Variants in MUC13 observed in about 807,000 individuals in gnomAD.
MUC13 encodes mucin-13.
A neutral mutation model predicts 48.3 loss-of-function variants in MUC13; 32 were observed. The observed-to-expected ratio is 0.66, with a 90% CI of 0.50 to 0.89. The LOEUF is 0.89. Ranked by LOEUF, MUC13 falls within the 40% of genes least tolerant of loss-of-function variation. The pLI, the probability that MUC13 is intolerant of heterozygous loss-of-function variation, is 0.00. For missense variants in MUC13, 571 were observed against 622.8 expected (o/e 0.92, Z 0.88); for synonymous variants, 199 against 224.9 (o/e 0.88, Z 1.03).
chr3:124,909,209 T>C (rs1935375149), intron 10 of MUC13, among the ~76,000 whole-genome samples: 2 of 152,014 alleles, frequency 1.3e-5, no homozygotes, highest in African/African-American at 4.8e-5. Flanking sequence ...AAAATCTGTT[T>C]ATCCTGTCAC....
At chr3:124,915,977 C>T (rs537595112) in intron 6 of MUC13, among the ~76,000 whole-genome samples, 14 of 152,304 alleles carry the variant, frequency 9.2e-5, no homozygotes, top group African/African-American at 3.1e-4. Context: ...CACACCCAGC[C>T]ACAGGTAAAA....
intron 8 of MUC13, among the ~76,000 whole-genome samples, chr3:124,912,390 C>A (rs1935436058): frequency 6.6e-6 from 1 of 152,276 alleles, no homozygotes; most frequent in African/African-American, 2.4e-5. Flanking sequence ...CTGAACACTC[C>A]ATCCTCCGGG....
chr3:124,931,770 C>T (rs890017103), intron 1 of MUC13, among the ~76,000 whole-genome samples: 28 of 147,998 alleles, frequency 1.9e-4, no homozygotes, highest in Admixed American at 1.4e-3. Context: ...TAAGGCCAGG[C>T]GCGGTGGCTC....
intron 6 of MUC13, among the ~76,000 whole-genome samples, chr3:124,914,334 TAG>T (rs1283342149): frequency 6.6e-6 from 1 of 151,102 alleles, no homozygotes; most frequent in Non-Finnish European, 1.5e-5. Flanking sequence ...TGCTTGAACC[TAG>T]GAGGCGGAGG....
chr3:124,910,384 A>G (rs1935398984), intron 10 of MUC13, 31 bp downstream of exon 10: 1 of 1,599,776 alleles, frequency 6.3e-7, no homozygotes, highest in African/African-American at 1.4e-5. Context: ...ATAAAAAAAA[A>G]AAATTTAAAA....
Position 124,913,547 on chromosome 3 carries a change from A to G in MUC13, c.1084+15T>C. On this transcript the variant is annotated intron_variant, in intron 7 of 11. Transcript: ENST00000616727. ...GATGTTATGAAGAACATTTAGAAGC[A>G]GGTGAAACACTTACCAACGCAGAAA... 1 of 1,613,860 alleles carries G rather than the reference A, an allele frequency of 6.2e-7. No individual in the cohort carries two copies. The highest frequency in any genetic ancestry group is 8.5e-7 in the Non-Finnish European group (1 of 1,179,914).
At chr3:124,909,707 A>G (rs1935384926) in intron 10 of MUC13, among the ~76,000 whole-genome samples, 2 of 152,228 alleles carry the variant, frequency 1.3e-5, no homozygotes, top group South Asian at 2.1e-4. Flanking sequence ...AAAAAAAACA[A>G]CAACCCAGGG....
At chr3:124,909,069 G>A (rs771941474) in intron 10 of MUC13, among the ~76,000 whole-genome samples, 1 of 151,942 alleles carries the variant, frequency 6.6e-6, no homozygotes, top group Non-Finnish European at 1.5e-5. Flanking sequence ...CGGGAGAATC[G>A]CTTGAACCTG....
At chr3:124,928,420 C>T (rs1262184566) in intron 1 of MUC13, among the ~76,000 whole-genome samples, 2 of 151,934 alleles carry the variant, frequency 1.3e-5, no homozygotes, top group African/African-American at 4.8e-5. Flanking sequence ...GCTCTGCCAC[C>T]CAGGCTGGAG....
intron 1 of MUC13, among the ~76,000 whole-genome samples, chr3:124,933,078 G>C (rs111552188): frequency 0.036 from 5,401 of 152,118 alleles, 144 homozygotes; most frequent in South Asian, 0.063. Flanking sequence ...TGCCCCCAAG[G>C]TTGGCAGGAG....
chr3:124,928,095 T>C, intron 1 of MUC13, 102 bp from the exon 2 acceptor site: 2 of 1,026,484 alleles, frequency 1.9e-6, no homozygotes, highest in South Asian at 1.8e-5. Flanking sequence ...TTTTTTTTTT[T>C]TTTAGAGGTA....
chr3:124,920,303 C>T lies in MUC13; in HGVS notation c.745-14G>A. The T allele has an allele frequency of 1.3e-6, 2 of 1,587,404 alleles. No homozygotes were observed. Among genetic ancestry groups the T allele is most frequent in the Non-Finnish European group, 1.7e-6 (2 of 1,167,220 alleles). ...TACATCTTTAAACTGTGGAGGAAAA[C>T]AGATTTAATAACAAGTAAAAAAAAT... On this transcript the variant is annotated splice_polypyrimidine_tract_variant and intron_variant, in intron 4 of 11. Coordinates refer to ENST00000616727, the MANE Select transcript of MUC13 (RefSeq NM_033049.4).
In MUC13 at chr3:124,910,490, A is replaced by G; in HGVS notation, c.1262T>C (p.Leu421Pro). 9.3e-6 allele frequency: 15 copies of G among 1,614,122 alleles called. No individual in the cohort carries two copies. Among genetic ancestry groups the G allele is most frequent in the Non-Finnish European group, 1.3e-5 (15 of 1,179,972 alleles). ...GATGGTGCCCACAATAGTGAGGATC[A>G]GCTGAAATTCTGAAAGGAAGAAGAA... ...SGLDCKDKFQ[L>P]ILTIVGTIAG... is the part of the protein sequence containing the mutation. The change falls in exon 10 of 12, where the codon CTG becomes CCG. Residue 421 changes from leucine (L) to proline (P), a missense_variant. Transcript: ENST00000616727.
chr3:124,916,273 G>T lies in MUC13; in HGVS notation c.964+44C>A, dbSNP rs776382017. ...ATGAAAAGGTTTACAAAAAAGGTAG[G>T]TAGGTCTTCAGGTGAACTTTGAATA... is the stretch of plus-strand genomic sequence containing the variant. On this transcript the variant is annotated intron_variant, in intron 6 of 11. Coordinates refer to ENST00000616727, the MANE Select transcript of MUC13 (RefSeq NM_033049.4). The T allele has an allele frequency of 5.4e-6, 8 of 1,478,342 alleles. No homozygotes were observed. The South Asian group carries it at 8.4e-5, about 16-fold the overall frequency. The allele number at this position is 1,478,342 out of a possible 1,614,324, so 91.6% of individuals were successfully genotyped here.
At chr3:124,913,379 GC>G in intron 7 of MUC13, 139 bp from the exon 8 acceptor site, 2 of 1,436,108 alleles carry the variant, frequency 1.4e-6, no homozygotes, top group Non-Finnish European at 1.9e-6. Context: ...CACATGATGT[GC>G]CCCCTGTGAA....
chr3:124,909,485 C>CATGTGTGTGTGTGTGTGTGTGTGTGT (rs372823172), intron 10 of MUC13, among the ~76,000 whole-genome samples: 1 of 148,342 alleles, frequency 6.7e-6, no homozygotes, highest in Non-Finnish European at 1.5e-5. Context: ...TGTGTGCTTG[C>CATGTGTGTGTGTGTGTGTGTGTGTGT]GTGTGTGTGT....
intron 3 of MUC13, 75 bp from the exon 4 acceptor site, chr3:124,922,378 T>C (rs957832209): frequency 1.1e-5 from 16 of 1,514,302 alleles, no homozygotes; most frequent in East Asian, 4.7e-5. Flanking sequence ...AAAACATAGA[T>C]TATTTTTTAG....
intron 1 of MUC13, among the ~76,000 whole-genome samples, chr3:124,929,704 G>A (rs909632188): frequency 6.6e-6 from 1 of 152,228 alleles, no homozygotes; most frequent in African/African-American, 2.4e-5. Flanking sequence ...GTGCCCGACT[G>A]TACCTGTGAA....
chr3:124,923,666 A>G lies in MUC13; in HGVS notation c.515-17T>C. 1.2e-6 allele frequency: 2 copies of G among 1,601,784 alleles called. No homozygotes were observed. The highest frequency in any genetic ancestry group is 1.7e-6 in the Non-Finnish European group (2 of 1,176,780). ...TGCTGGGACCTTAGATGGAGTAGAA[A>G]GAGATTAGAAATCCAGAGAAATGAC... On this transcript the variant is annotated splice_polypyrimidine_tract_variant and intron_variant, in intron 2 of 11. Coordinates refer to ENST00000616727, the MANE Select transcript of MUC13 (RefSeq NM_033049.4).
Sources: allele counts gnomAD v4.1 joint callset (sites outside exome capture counted in the v4.1 genomes callset), GRCh38; gene constraint gnomAD v4.1.1; transcripts MANE v1.5; gene names NCBI Gene and HGNC (gene_info 2026-07-23, HGNC 2026-07-21).